Variants in TRMU observed in about 807,000 individuals in gnomAD.
TRMU encodes tRNA mitochondrial 2-thiouridylase.
In TRMU, 49 loss-of-function variants were observed where a neutral mutation model predicts 46.9. The ratio of observed to expected loss-of-function variants is 1.05; its 90% CI spans 0.83 to 1.33. The LOEUF is 1.33. Ranked by LOEUF, TRMU falls within the 40% of genes most tolerant of loss-of-function variation. The probability of loss-of-function intolerance (pLI) is 0.00; values close to 1 mark genes in which losing one functional copy is unlikely to be tolerated. For synonymous variants in TRMU, 241 were observed against 200.9 expected (o/e 1.20, Z -1.69); for missense variants, 572 against 532.4 (o/e 1.07, Z -0.73).
At position 46,357,135 on chromosome 22, in the gene TRMU, C is replaced by G; in HGVS notation, c.*129C>G. 7.4e-7 allele frequency: 1 copy of G among 1,355,846 alleles called. No homozygotes were observed. The allele number at this position is 1,355,846 out of a possible 1,614,324, so 84.0% of individuals were successfully genotyped here. ...GAGGAAGCCGGGCTGGCTGAGGGTC[C>G]GAAAAGCCTGCAGGGGCCCGGCGAG... On this transcript the variant is annotated 3_prime_UTR_variant, in exon 11 of 11. Transcript: ENST00000645190.
At position 46,348,730 on chromosome 22, in the gene TRMU, T is replaced by A. The variant is rs1278210238; in HGVS notation, c.479-1561T>A. Among the ~76,000 whole-genome samples the A allele has an allele frequency of 6.6e-6, 1 of 152,200 alleles. No individual in the cohort carries two copies. Among genetic ancestry groups the A allele is most frequent in the African/African-American group, 2.4e-5 (1 of 41,440 alleles). On this transcript the variant is annotated intron_variant, in intron 4 of 10. Transcript: ENST00000645190. This position sits in a 1 kb window ranked among gnomAD's most constrained non-coding sequence, Gnocchi z 4.8. Reference sequence around the variant, plus strand: ...GCTTGCTTTTTTGAAAATCATAGATTTTTAGTTTGTTTTAAAATGACGCAG... The same window carrying A: ...GCTTGCTTTTTTGAAAATCATAGATATTTAGTTTGTTTTAAAATGACGCAG...
chr22:46,343,718 AGACCACCTCT>A, intron 3 of TRMU, among the ~76,000 whole-genome samples: 1 of 152,156 alleles, frequency 6.6e-6, no homozygotes, highest in Non-Finnish European at 1.5e-5. Flanking sequence ...TTGCTTGCTT[AGACCACCTCT>A]TGATGTCTGT....
chr22:46,338,718 C>T lies in TRMU; in HGVS notation c.248+774C>T, dbSNP rs1290302079. 2.0e-5 allele frequency among the ~76,000 whole-genome samples: 3 copies of T among 152,184 alleles called. No individual in the cohort carries two copies. The highest frequency in any genetic ancestry group is 4.8e-5 in the African/African-American group (2 of 41,434). On this transcript the variant is annotated intron_variant, in intron 2 of 10. Coordinates refer to ENST00000645190, the MANE Select transcript of TRMU (RefSeq NM_018006.5). This position sits in a 1 kb window ranked among gnomAD's most constrained non-coding sequence, Gnocchi z 4.5. ...AAATGCTGATTGTGTATTTCAGGAC[C>T]GTTGTAAAGTTTGGCTGGACTTTTG...
rs1407825579 is a variant in TRMU at position 46,343,369 on chromosome 22, G to A, written c.355+1G>A. 6.2e-7 allele frequency: 1 copy of A among 1,610,400 alleles called. No individual in the cohort carries two copies. The highest frequency in any genetic ancestry group is 2.2e-5 in the East Asian group (1 of 44,868). ...TTTCATTATGCTGTGGATAATCTTG[G>A]TAAGTAATTTGGGTTTAAAACATTT... On this transcript the variant is annotated splice_donor_variant, in intron 3 of 10. Transcript: ENST00000645190. LOFTEE classifies it high-confidence loss of function.
rs1052928114 is a variant in TRMU at position 46,351,907 on chromosome 22, C to T, written c.652-214C>T. On this transcript the variant is annotated intron_variant, in intron 5 of 10. Transcript: ENST00000645190. The surrounding 1 kb of genome is among the most constrained non-coding windows in gnomAD (Gnocchi z 6.4). ...GTCTCCCGCGCAGGGTCAGACCCCGCGGGCCGAGACAATGAGGCGTTCTCT... is the reference window on the plus strand; with the variant it reads ...GTCTCCCGCGCAGGGTCAGACCCCGTGGGCCGAGACAATGAGGCGTTCTCT... The T allele has an allele frequency of 3.8e-5, 26 of 684,450 alleles. No homozygotes were observed. The highest frequency in any genetic ancestry group is 1.0e-4 in the Admixed American group (5 of 48,280). The allele number at this position is 684,450 out of a possible 1,614,324, so 42.4% of individuals were successfully genotyped here.
intron 7 of TRMU, chr22:46,352,691 T>C (rs578158013): frequency 2.1e-5 from 8 of 375,482 alleles, no homozygotes; most frequent in Non-Finnish European, 4.1e-5. Context: ...GGGAGTAAGG[T>C]GGACGTCCCG....
intron 8 of TRMU, 189 bp from the exon 9 acceptor site, chr22:46,355,255 T>G: frequency 1.2e-6 from 1 of 836,478 alleles, no homozygotes; most frequent in Non-Finnish European, 1.9e-6. Flanking sequence ...TCCTCATCTG[T>G]AAAATGGGGA....
intron 2 of TRMU, among the ~76,000 whole-genome samples, chr22:46,341,444 C>G (rs1416968492): frequency 6.6e-6 from 1 of 152,142 alleles, no homozygotes; most frequent in Non-Finnish European, 1.5e-5. Context: ...TTTTTATGAA[C>G]TTCTAGGGGG....
Position 46,336,746 on chromosome 22 carries a change from G to C in TRMU, c.82+900G>C, listed in dbSNP as rs1176946756. On this transcript the variant is annotated intron_variant, in intron 1 of 10. Coordinates refer to ENST00000645190, the MANE Select transcript of TRMU (RefSeq NM_018006.5). This position sits in a 1 kb window ranked among gnomAD's most constrained non-coding sequence, Gnocchi z 4.1. ...TATGGTAGGTACAGTAAGTGCCAAA[G>C]AGAAGGGTAGGCGGACCATAAGCAG... 1 of 152,304 alleles carries C rather than the reference G, an allele frequency of 6.6e-6. No homozygotes were observed. The highest frequency in any genetic ancestry group is 2.4e-5 in the African/African-American group (1 of 41,460). The allele number at this position is 152,304 out of a possible 1,614,324, so 9.4% of individuals were successfully genotyped here. A position where few individuals can be genotyped will look rare whatever the true frequency, so the allele number is the denominator to read the frequency against.
rs1159337605 is a variant in TRMU, at chr22:46,348,077, T to C, written c.478+1533T>C. ...AGGAAGACATGGGTTTGAATGCAGATAAGACAGCCCCCCATTTCAGGAAGA... is the reference window on the plus strand; with the variant it reads ...AGGAAGACATGGGTTTGAATGCAGACAAGACAGCCCCCCATTTCAGGAAGA... On this transcript the variant is annotated intron_variant, in intron 4 of 10. Coordinates refer to ENST00000645190, the MANE Select transcript of TRMU (RefSeq NM_018006.5). This position sits in a 1 kb window ranked among gnomAD's most constrained non-coding sequence, Gnocchi z 4.8. Among the ~76,000 whole-genome samples, 1 of 151,512 alleles carries C rather than the reference T, an allele frequency of 6.6e-6. No individual in the cohort carries two copies. The highest frequency in any genetic ancestry group is 6.6e-5 in the Admixed American group (1 of 15,166).
At chr22:46,356,241 G>GT in intron 10 of TRMU, 169 bp downstream of exon 10, 4 of 667,262 alleles carry the variant, frequency 6.0e-6, no homozygotes, top group Non-Finnish European at 1.0e-5. Context: ...TCCTCCCACA[G>GT]TGACAACTGT....
Position 46,353,859 on chromosome 22 carries a change from G to C in TRMU, c.865G>C (p.Val289Leu), listed in dbSNP as rs886057611. The C allele has an allele frequency of 6.2e-7, 1 of 1,613,472 alleles. No homozygotes were observed. The highest frequency in any genetic ancestry group is 8.5e-7 in the Non-Finnish European group (1 of 1,179,682). Reference sequence around the variant, plus strand: ...GGAGAAGGACAGCGTCAAGGGTGACGTGTTTGTGGTGAGTGGGCCGGCCTC... The same window carrying C: ...GGAGAAGGACAGCGTCAAGGGTGACCTGTTTGTGGTGAGTGGGCCGGCCTC... ...VVEKDSVKGD[V>L]FVAPRTDHPA... The change falls in exon 8 of 11, where the codon GTG (valine) becomes CTG (leucine). Residue 289 changes from valine to leucine, a missense_variant. Val to Leu is a conservative substitution (Grantham distance 32). Coordinates refer to ENST00000645190, the MANE Select transcript of TRMU (RefSeq NM_018006.5).
rs6007885 is a variant in TRMU, at chr22:46,339,449, T to C, written c.248+1505T>C. ...ACAGGCGTGAGCCACCACGCCAGCC[T>C]GCTATTTTTATTTTCATTATTAAAA... On this transcript the variant is annotated intron_variant, in intron 2 of 10. Transcript: ENST00000645190. The surrounding 1 kb of genome is among the most constrained non-coding windows in gnomAD (Gnocchi z 4.8). Among the ~76,000 whole-genome samples the C allele has an allele frequency of 0.058, 8,829 of 152,280 alleles. 854 individuals are homozygous for C. Among genetic ancestry groups the C allele is most frequent in the African/African-American group, 0.2 (8,244 of 41,516 alleles).
chr22:46,335,990 A>G, intron 1 of TRMU, 144 bp downstream of exon 1: 1 of 1,456,078 alleles, frequency 6.9e-7, no homozygotes, highest in South Asian at 1.4e-5. Flanking sequence ...CCGTCCTCTG[A>G]CTTTGGTTCG....
chr22:46,356,676 T>G (rs903140116), intron 10 of TRMU, 166 bp from the exon 11 acceptor site: 7 of 811,772 alleles, frequency 8.6e-6, no homozygotes, highest in East Asian at 2.5e-5. Flanking sequence ...CCCAGGCCTC[T>G]CCTCTCCTGT....
At position 46,335,729 on chromosome 22, in the gene TRMU, C is replaced by T; in HGVS notation, c.-36C>T. 6.5e-7 allele frequency: 1 copy of T among 1,540,116 alleles called. No individual in the cohort carries two copies. Among genetic ancestry groups the T allele is most frequent in the Non-Finnish European group, 8.7e-7 (1 of 1,146,032 alleles). On this transcript the variant is annotated 5_prime_UTR_variant, in exon 1 of 11. Transcript: ENST00000645190. ...GACTTCCGGCAAGGCGCGGAAGCGG[C>T]GGTAGCTGCAGCTGGCGAAGTTGGG...
At position 46,348,470 on chromosome 22, in the gene TRMU, C is replaced by G. The variant is rs1024448993; in HGVS notation, c.479-1821C>G. Among the ~76,000 whole-genome samples, 12 of 152,226 alleles carry G rather than the reference C, an allele frequency of 7.9e-5. No individual in the cohort carries two copies. Among genetic ancestry groups the G allele is most frequent in the Non-Finnish European group, 1.8e-4 (12 of 68,034 alleles). On this transcript the variant is annotated intron_variant, in intron 4 of 10. Coordinates refer to ENST00000645190, the MANE Select transcript of TRMU (RefSeq NM_018006.5). This position sits in a 1 kb window ranked among gnomAD's most constrained non-coding sequence, Gnocchi z 4.8. ...CCAGCCTGGGTCTCTGGGTAGAGCA[C>G]CTGCAGGGGCAGTGGACGGCCTGGG... is the stretch of plus-strand genomic sequence containing the variant.
At chr22:46,354,329 C>T (rs1156591315) in intron 8 of TRMU, 3 of 192,556 alleles carry the variant, frequency 1.6e-5, no homozygotes, top group African/African-American at 4.7e-5. Context: ...CAAAGCAGGG[C>T]CGCTCAGTGG....
chr22:46,354,710 C>T (rs1007375362), intron 8 of TRMU: 1 of 152,670 alleles, frequency 6.6e-6, no homozygotes, highest in African/African-American at 2.4e-5. Context: ...ATCTAGATTT[C>T]AGTTTGCTGT....
Sources: gnomAD v4.1 joint callset for allele counts (sites outside exome capture counted in the v4.1 genomes callset) on GRCh38, gnomAD v4.1.1 for gene constraint, Gnocchi (gnomAD v3.1) non-coding constraint, MANE v1.5 for transcripts, NCBI Gene and HGNC (gene_info 2026-07-23, HGNC 2026-07-21) for gene names.